The following ARHGAP30 variants were observed in gnomAD, a reference collection of about 807,000 sequenced individuals.
ARHGAP30 encodes Rho GTPase activating protein 30.
ARHGAP30 carries 23 observed loss-of-function variants against 72.0 expected under a neutral mutation model. The observed-to-expected ratio is 0.32, with a 90% confidence interval of 0.23 to 0.45. The LOEUF (loss-of-function observed/expected upper bound fraction) is 0.45, where lower values mean the gene tolerates loss of function less well. Among genes scored for constraint, ARHGAP30 ranks in the 20% least tolerant of loss-of-function variants. The pLI, the probability that ARHGAP30 is intolerant of heterozygous loss-of-function variation, is 1.00. For synonymous variants in ARHGAP30, 576 were observed against 528.2 expected, an observed-to-expected ratio of 1.09 and a Z score of -1.24; for missense variants, 1,319 against 1,383.4, an observed-to-expected ratio of 0.95 and a Z score of 0.74.
rs1469516027 is a variant in ARHGAP30, at chr1:161,056,369, C to T, written c.345+19G>A. The T allele has an allele frequency of 1.2e-6, 2 of 1,611,972 alleles. No individual in the cohort carries two copies. The highest frequency in any genetic ancestry group is 2.2e-5 in the East Asian group (1 of 44,802). The stretch of plus-strand genomic sequence containing the variant: ...CCACCCCTGAGCCCTGTCTTCCACC[C>T]CTCGGCCTCTCAACTCACAGCAAAC... On this transcript the variant is annotated intron_variant, in intron 3 of 11. Transcript: ENST00000368013.
intron 1 of ARHGAP30, among the ~76,000 whole-genome samples, chr1:161,068,456 G>C (rs1652921732): frequency 6.6e-6 from 1 of 152,124 alleles, no homozygotes; most frequent in Non-Finnish European, 1.5e-5. Flanking sequence ...CAGGGGCGGG[G>C]CTAAGAGCAG....
intron 3 of ARHGAP30, among the ~76,000 whole-genome samples, chr1:161,055,659 C>A (rs983623930): frequency 6.6e-6 from 1 of 151,492 alleles, no homozygotes. Context: ...GGCATTGTGG[C>A]GGGCTCTCCA....
At chr1:161,065,517 C>T (rs1052196935) in intron 1 of ARHGAP30, among the ~76,000 whole-genome samples, 2 of 152,092 alleles carry the variant, frequency 1.3e-5, no homozygotes, top group Non-Finnish European at 1.5e-5. Context: ...ATAAATTCAT[C>T]AATCCCAATC....
intron 9 of ARHGAP30, among the ~76,000 whole-genome samples, 183 bp downstream of exon 9, chr1:161,052,103 G>C (rs12749496): frequency 0.77 from 103,438 of 134,244 alleles, 40,993 homozygotes; most frequent in African/African-American, 0.84. Context: ...CATCAACAAA[G>C]TCATAGATTA....
At position 161,069,775 on chromosome 1, in the gene ARHGAP30, C is replaced by A. The variant is rs986325287; in HGVS notation, c.-151G>T. The A allele has an allele frequency of 8.2e-6, 6 of 735,118 alleles. No homozygotes were observed. The highest frequency in any genetic ancestry group is 1.3e-5 in the Non-Finnish European group (6 of 454,880). 45.5% of individuals were successfully genotyped at this position (735,118 alleles called of 1,614,324 possible). A position where few individuals can be genotyped will look rare whatever the true frequency, so the allele number is the denominator to read the frequency against. The stretch of plus-strand genomic sequence containing the variant: ...TGGGGGTGGAGGGTGGCCTGGGCAA[C>A]GGGCAGCAGCTCCTGCCCCTGGGGC... On this transcript the variant is annotated 5_prime_UTR_variant, in exon 1 of 12. Transcript: ENST00000368013. This position sits in a 1 kb window ranked among gnomAD's most constrained non-coding sequence, Gnocchi z 4.9.
At position 161,048,532 on chromosome 1, in the gene ARHGAP30, C is replaced by G; in HGVS notation, c.2489G>C (p.Gly830Ala). Residue 830 changes from glycine to alanine, a missense_variant, in exon 12 of 12, where the codon GGA becomes GCA. Physicochemically the swap from Gly to Ala is moderately conservative, Grantham distance 60. Coordinates refer to ENST00000368013, the MANE Select transcript of ARHGAP30 (RefSeq NM_001025598.2). The stretch of plus-strand genomic sequence containing the variant: ...CCGTTCCTTGCTGACCTCCCCTGCT[C>G]CTCCTTCAGTTGCTGCTTCTGGGCT... ...SRSPEAATEGGAGEVSKERES... is the reference protein window; with the variant it reads ...SRSPEAATEGAAGEVSKERES... The G allele has an allele frequency of 6.2e-7, 1 of 1,614,146 alleles. No homozygotes were observed. The highest frequency in any genetic ancestry group is 8.5e-7 in the Non-Finnish European group (1 of 1,180,034).
Position 161,056,508 on chromosome 1 carries a change from C to G in ARHGAP30, c.225G>C (p.Lys75Asn). 1 of 1,613,748 alleles carries G rather than the reference C, an allele frequency of 6.2e-7. No homozygotes were observed. The highest frequency in any genetic ancestry group is 1.1e-5 in the South Asian group (1 of 91,050). ...KLRQEFESER[K>N]PDLRRDVYLQ... Reference sequence around the variant, plus strand: ...GGTAAACATCCCGACGCAGGTCTGGCTTCCGCTCTGACTCAAATTCCTGCC... The same window carrying G: ...GGTAAACATCCCGACGCAGGTCTGGGTTCCGCTCTGACTCAAATTCCTGCC... The change falls in exon 3 of 12, where the codon AAG (lysine) becomes AAC (asparagine). Residue 75 changes from lysine (K) to asparagine (N), a missense_variant. Coordinates refer to ENST00000368013, the MANE Select transcript of ARHGAP30 (RefSeq NM_001025598.2).
At chr1:161,055,905 TA>T (rs1434474752) in intron 3 of ARHGAP30, among the ~76,000 whole-genome samples, 662 of 26,342 alleles carry the variant, frequency 0.025, 19 homozygotes, top group East Asian at 0.1. Context: ...TAAAATAAAA[TA>T]AAATAAAATA....
chr1:161,060,122 A>G (rs1385390533), intron 1 of ARHGAP30: 3 of 384,898 alleles, frequency 7.8e-6, no homozygotes, highest in Non-Finnish European at 1.6e-5. Context: ...CTCTACAAAA[A>G]ATACAAACAC....
chr1:161,068,865 CCT>C (rs1390701663), intron 1 of ARHGAP30, among the ~76,000 whole-genome samples: 1 of 152,062 alleles, frequency 6.6e-6, no homozygotes, highest in African/African-American at 2.4e-5. Flanking sequence ...GGCCTCACAC[CCT>C]CTCTTTCATT....
At chr1:161,049,769 T>C (rs1651211164) in intron 10 of ARHGAP30, 80 bp from the exon 11 acceptor site, 37 of 1,520,174 alleles carry the variant, frequency 2.4e-5, no homozygotes, top group Non-Finnish European at 3.2e-5. Context: ...AGCATTGATA[T>C]AGCAGGGGCC....
chr1:161,055,660 G>A (rs533495398), intron 3 of ARHGAP30, among the ~76,000 whole-genome samples: 7 of 150,358 alleles, frequency 4.7e-5, no homozygotes, highest in Admixed American at 1.3e-4. Flanking sequence ...GCATTGTGGC[G>A]GGCTCTCCAG....
chr1:161,066,734 C>T (rs950268674), intron 1 of ARHGAP30, among the ~76,000 whole-genome samples: 3 of 148,698 alleles, frequency 2.0e-5, no homozygotes, highest in African/African-American at 7.5e-5. Context: ...GCACCCTAGT[C>T]ATGTCTCTTG....
At chr1:161,061,885 C>T (rs1243517350) in intron 1 of ARHGAP30, among the ~76,000 whole-genome samples, 1 of 152,000 alleles carries the variant, frequency 6.6e-6, no homozygotes, top group African/African-American at 2.4e-5. Context: ...GTCAGGAGTT[C>T]GAGACCAGCC....
chr1:161,052,956 T>A, intron 6 of ARHGAP30, 159 bp from the exon 7 acceptor site: 1 of 1,014,974 alleles, frequency 9.9e-7, no homozygotes. Flanking sequence ...AAGAGTGCCC[T>A]CATGGACAAA....
chr1:161,069,517 G>A lies in ARHGAP30; in HGVS notation c.97+11C>T, dbSNP rs774206094. 2.2e-5 allele frequency: 36 copies of A among 1,604,422 alleles called. No individual in the cohort carries two copies. Among genetic ancestry groups the A allele is most frequent in the Admixed American group, 2.2e-4 (13 of 59,988 alleles). On this transcript the variant is annotated intron_variant, in intron 1 of 11. Coordinates refer to ENST00000368013, the MANE Select transcript of ARHGAP30 (RefSeq NM_001025598.2). The surrounding 1 kb of genome is among the most constrained non-coding windows in gnomAD (Gnocchi z 4.9). ...CCACCCACCCTGCAGAAGCTGAGCC[G>A]GCCTCCTTACCCTCCTGGCCTGAGT...
chr1:161,069,697 A>C lies in ARHGAP30; in HGVS notation c.-73T>G. The C allele has an allele frequency of 6.6e-7, 1 of 1,515,548 alleles. No homozygotes were observed. The highest frequency in any genetic ancestry group is 2.3e-5 in the East Asian group (1 of 44,172). 93.9% of individuals were successfully genotyped at this position (1,515,548 alleles called of 1,614,324 possible). On this transcript the variant is annotated 5_prime_UTR_variant, in exon 1 of 12. Transcript: ENST00000368013. The surrounding 1 kb of genome is among the most constrained non-coding windows in gnomAD (Gnocchi z 4.9). ...CTGTGCCCTACCAGTCCCCCATGGG[A>C]TCCCAGCCAGCTGCTGGGCTTGGCC...
intron 2 of ARHGAP30, among the ~76,000 whole-genome samples, chr1:161,058,719 G>T (rs1366608923): frequency 6.7e-6 from 1 of 150,344 alleles, no homozygotes; most frequent in Non-Finnish European, 1.5e-5. Context: ...AAATTAGCCA[G>T]GCGTGGTGGT....
chr1:161,052,317 G>A lies in ARHGAP30; in HGVS notation c.987C>T (p.Asp329=). ...KGTLRPAKSM[D]SLSAAAGASD... Reference sequence around the variant, plus strand: ...TGGCCCCAGCTGCAGCACTCAGTGAGTCCATGCTTTTGGCTGGCCGCAGTG... The same window carrying A: ...TGGCCCCAGCTGCAGCACTCAGTGAATCCATGCTTTTGGCTGGCCGCAGTG... The change falls in exon 9 of 12, where the codon GAC becomes GAT. Residue 329 remains aspartate, a synonymous_variant. Coordinates refer to ENST00000368013, the MANE Select transcript of ARHGAP30 (RefSeq NM_001025598.2). The A allele has an allele frequency of 6.2e-7, 1 of 1,613,980 alleles. No homozygotes were observed.
Sources: gnomAD v4.1 joint callset for allele counts (sites outside exome capture counted in the v4.1 genomes callset) on GRCh38, gnomAD v4.1.1 for gene constraint, Gnocchi (gnomAD v3.1) non-coding constraint, MANE v1.5 for transcripts, NCBI Gene and HGNC (gene_info 2026-07-23, HGNC 2026-07-21) for gene names.